Variants in SPATA20 observed in about 807,000 individuals in gnomAD.
SPATA20 encodes the protein spermatogenesis-associated protein 20.
A neutral mutation model predicts 98.9 loss-of-function variants in SPATA20; 74 were observed. The ratio of observed to expected loss-of-function variants is 0.75; its 90% CI spans 0.62 to 0.91. The LOEUF is 0.91. SPATA20 is among the 40% of genes least tolerant of loss of function. SPATA20 has a pLI of 0.00. For missense variants in SPATA20, 1,016 were observed against 1,069.8 expected, an observed-to-expected ratio of 0.95 and a Z score of 0.70; for synonymous variants, 430 against 440.5, an observed-to-expected ratio of 0.98 and a Z score of 0.30.
In SPATA20 at chr17:50,550,218, G is replaced by C; in HGVS notation, c.1004G>C (p.Arg335Pro). 6.2e-7 allele frequency: 1 copy of C among 1,612,470 alleles called. No individual in the cohort carries two copies. Among genetic ancestry groups the C allele is most frequent in the Non-Finnish European group, 8.5e-7 (1 of 1,179,428 alleles). Reference protein sequence around the residue: ...IRDHVGQGFHRYSTDRQWHVP... With the variant: ...IRDHVGQGFHPYSTDRQWHVP... ...TTTGTATCCGCACAGGGCTTTCACC[G>C]CTACTCCACAGACCGCCAGTGGCAC... The change falls in exon 9 of 17, where the codon CGC (arginine) becomes CCC (proline). Residue 335 changes from arginine (R) to proline (P), a missense_variant. Arg to Pro is a moderately radical substitution (Grantham distance 103). Coordinates refer to ENST00000006658, the MANE Select transcript of SPATA20 (RefSeq NM_022827.4).
At position 50,549,169 on chromosome 17, in the gene SPATA20, C is replaced by A; in HGVS notation, c.643C>A (p.Leu215Met). 1 of 1,600,702 alleles carries A rather than the reference C, an allele frequency of 6.2e-7. No individual in the cohort carries two copies. The highest frequency in any genetic ancestry group is 1.7e-5 in the Admixed American group (1 of 59,566). ...LTRVGFRTVL[L>M]RIREQWKQNK... ...CCGAGTCGGCTTCCGCACAGTGTTG[C>A]TGAGAATACGAGAACAGGTGGGTGT... Residue 215 changes from leucine to methionine, a missense_variant, in exon 6 of 17, where the codon CTG (leucine) becomes ATG (methionine). Physicochemically the swap from Leu to Met is conservative, Grantham distance 15 (BLOSUM62 2). Coordinates refer to ENST00000006658, the MANE Select transcript of SPATA20 (RefSeq NM_022827.4).
intron 2 of SPATA20, 146 bp from the exon 3 acceptor site, chr17:50,548,135 CCA>C: frequency 6.7e-7 from 1 of 1,492,498 alleles, no homozygotes; most frequent in Non-Finnish European, 8.9e-7. Context: ...AGCACAAAGG[CCA>C]CAGTCTCCCC....
chr17:50,549,466 G>A lies in SPATA20; in HGVS notation c.841G>A (p.Ala281Thr). The change falls in exon 7 of 17, where the codon GCC (alanine) becomes ACC (threonine). Residue 281 changes from alanine (A) to threonine (T), a missense_variant. By Grantham distance (58) the Ala-to-Thr change is moderately conservative. Transcript: ENST00000006658. The stretch of plus-strand genomic sequence containing the variant: ...TGAGGAATACGGTGGCTTCGCTGAG[G>A]CCCCCAAGTTTCCCACGCCGGGTCA... The part of the protein sequence containing the change: ...YDEEYGGFAE[A>T]PKFPTPVILS... 1 of 1,612,086 alleles carries A rather than the reference G, an allele frequency of 6.2e-7. No homozygotes were observed. Among genetic ancestry groups the A allele is most frequent in the Non-Finnish European group, 8.5e-7 (1 of 1,179,904 alleles).
chr17:50,550,390 TTC>T, intron 9 of SPATA20, 78 bp downstream of exon 9: 1 of 1,372,232 alleles, frequency 7.3e-7, no homozygotes, highest in East Asian at 2.3e-5. Flanking sequence ...TGACTGTGGC[TTC>T]TCTTAATCTG....
chr17:50,550,405 TC>T (rs2034992431), intron 9 of SPATA20, 93 bp downstream of exon 9: 1 of 1,335,244 alleles, frequency 7.5e-7, no homozygotes, highest in Non-Finnish European at 1.1e-6. Flanking sequence ...TTAATCTGAA[TC>T]CCCTGTTCCC....
At chr17:50,551,926 C>T in intron 13 of SPATA20, 43 bp from the exon 14 acceptor site, 1 of 1,512,120 alleles carries the variant, frequency 6.6e-7, no homozygotes, top group Non-Finnish European at 9.0e-7. Context: ...GGCCCTCTCT[C>T]CTGGGGCTCT....
At chr17:50,551,335 A>G in intron 12 of SPATA20, 145 bp downstream of exon 12, 1 of 1,161,536 alleles carries the variant, frequency 8.6e-7, no homozygotes, top group Non-Finnish European at 1.2e-6. Flanking sequence ...GAGCTTGAGT[A>G]ACCCGCCCAA....
chr17:50,551,369 C>A (rs1021320120), intron 12 of SPATA20, 142 bp from the exon 13 acceptor site: 35 of 1,234,958 alleles, frequency 2.8e-5, no homozygotes, highest in Admixed American at 2.0e-4. Flanking sequence ...GGCTGGGAAC[C>A]CCGCCATGTC....
At chr17:50,548,653 G>T (rs1327510722) in intron 4 of SPATA20, 35 bp downstream of exon 4, 1 of 1,605,994 alleles carries the variant, frequency 6.2e-7, no homozygotes, top group East Asian at 2.2e-5. Flanking sequence ...TGGGGGTGTG[G>T]GCAGGGAGTG....
chr17:50,550,101 G>T lies in SPATA20; in HGVS notation c.979G>T (p.Asp327Tyr). 6.2e-7 allele frequency: 1 copy of T among 1,612,904 alleles called. No individual in the cohort carries two copies. The highest frequency in any genetic ancestry group is 1.1e-5 in the South Asian group (1 of 91,010). Reference sequence around the variant, plus strand: ...AATGATGGCTAACGGGGGCATCCGGGACCATGTGGGGCAGGTGACGGGCAC... The same window carrying T: ...AATGATGGCTAACGGGGGCATCCGGTACCATGTGGGGCAGGTGACGGGCAC... ...LKMMANGGIR[D>Y]HVGQGFHRYS... The change falls in exon 8 of 17, where the codon GAC (aspartate) becomes TAC (tyrosine). Residue 327 changes from aspartate (D) to tyrosine (Y), a missense_variant. Asp to Tyr is a radical substitution (Grantham distance 160). Transcript: ENST00000006658.
chr17:50,551,631 G>A lies in SPATA20; in HGVS notation c.1697G>A (p.Arg566His), dbSNP rs781529540. The A allele has an allele frequency of 6.9e-6, 11 of 1,601,996 alleles. No homozygotes were observed. In the Middle Eastern group the frequency reaches 6.6e-4, roughly 96 times the overall value. ...CACATGTTTGATGTGGCCAGTGGCCGCCTGATGCGGACCTGCTACACCGGC... is the reference window on the plus strand; with the variant it reads ...CACATGTTTGATGTGGCCAGTGGCCACCTGATGCGGACCTGCTACACCGGC... Reference protein sequence around the residue: ...KRHMFDVASGRLMRTCYTGPG... With the variant: ...KRHMFDVASGHLMRTCYTGPG... The change falls in exon 13 of 17, where the codon CGC becomes CAC. Residue 566 changes from arginine to histidine, a missense_variant. By Grantham distance (29) the Arg-to-His change is conservative. Transcript: ENST00000006658.
intron 1 of SPATA20, 52 bp from the exon 2 acceptor site, chr17:50,547,668 T>A (rs762965380): frequency 1.3e-6 from 1 of 780,720 alleles, no homozygotes; most frequent in East Asian, 2.4e-5. Context: ...TATTTAGGTC[T>A]GCCTGCAGTC....
At position 50,548,526 on chromosome 17, in the gene SPATA20, G is replaced by A. The variant is rs533555791; in HGVS notation, c.297-28G>A. The stretch of plus-strand genomic sequence containing the variant: ...CCCCTCCCAGACCCCCTGGGCTACT[G>A]AGTGATGCCCCACCCTGCTGGGTCT... On this transcript the variant is annotated intron_variant, in intron 3 of 16. Coordinates refer to ENST00000006658, the MANE Select transcript of SPATA20 (RefSeq NM_022827.4). The A allele has an allele frequency of 1.7e-5, 28 of 1,613,398 alleles. No individual in the cohort carries two copies. The Admixed American group carries it at 3.5e-4, about 20-fold the overall frequency.
intron 14 of SPATA20, among the ~76,000 whole-genome samples, chr17:50,553,630 C>T (rs1242774323): frequency 5.3e-5 from 8 of 151,384 alleles, no homozygotes; most frequent in African/African-American, 1.7e-4. Context: ...CCTCCCGCCT[C>T]GGCTTCCCAG....
chr17:50,549,860 G>A (rs953308152), intron 7 of SPATA20, 125 bp from the exon 8 acceptor site: 1 of 1,099,688 alleles, frequency 9.1e-7, no homozygotes, highest in Non-Finnish European at 1.3e-6. Flanking sequence ...TGACCTCACA[G>A]CCTGTCCAGA....
intron 13 of SPATA20, 65 bp from the exon 14 acceptor site, chr17:50,551,904 T>G (rs1407954737): frequency 7.0e-7 from 1 of 1,433,514 alleles, no homozygotes; most frequent in African/African-American, 1.4e-5. Flanking sequence ...TGAAAGGGCC[T>G]CCTCTGGGAA....
rs1345325469 is a variant in SPATA20, at chr17:50,552,006, T to C, written c.1783T>C (p.Phe595Leu). ...CTGGGGCTTCCTGGAGGACTACGCC[T>C]TCGTGGTGCGGGGCCTGCTGGACCT... ...PCWGFLEDYA[F>L]VVRGLLDLYE... The change falls in exon 14 of 17, where the codon TTC becomes CTC. Residue 595 changes from phenylalanine (F) to leucine (L), a missense_variant. By Grantham distance (22) the Phe-to-Leu change is conservative. Transcript: ENST00000006658. 1 of 1,612,140 alleles carries C rather than the reference T, an allele frequency of 6.2e-7. No individual in the cohort carries two copies.
chr17:50,547,915 A>T, intron 2 of SPATA20, 148 bp downstream of exon 2: 1 of 1,456,936 alleles, frequency 6.9e-7, no homozygotes, highest in Non-Finnish European at 9.3e-7. Flanking sequence ...TGCCAGAGAG[A>T]TGCCTCCAAG....
chr17:50,549,891 C>A (rs747953885), intron 7 of SPATA20, 94 bp from the exon 8 acceptor site: 4 of 1,403,838 alleles, frequency 2.8e-6, no homozygotes, highest in Non-Finnish European at 3.8e-6. Flanking sequence ...TGAGTGAACT[C>A]CCAGCCTCTG....
Sources: gnomAD v4.1 joint callset for allele counts (sites outside exome capture counted in the v4.1 genomes callset) on GRCh38, gnomAD v4.1.1 for gene constraint, MANE v1.5 for transcripts, NCBI Gene and HGNC (gene_info 2026-07-23, HGNC 2026-07-21) for gene names.